RNF115: variants seen among roughly 807,000 people sequenced by gnomAD.
RNF115 encodes the protein E3 ubiquitin-protein ligase RNF115.
Under a neutral mutation model 39.2 loss-of-function variants are expected in RNF115, and 31 were observed. That is an observed-to-expected ratio of 0.79 (90% CI 0.59 to 1.07). The LOEUF (loss-of-function observed/expected upper bound fraction) is 1.07. Among genes scored for constraint, RNF115 ranks in the 50% least tolerant of loss-of-function variants. The pLI, the probability that RNF115 is intolerant of heterozygous loss-of-function variation, is 0.00. For missense variants in RNF115, 384 were observed against 381.7 expected (o/e 1.01, Z -0.05); for synonymous variants, 124 against 131.0 (o/e 0.95, Z 0.37).
intron 3 of RNF115, chr1:145,772,140 G>A (rs1322966986): frequency 4.3e-6 from 2 of 466,108 alleles, no homozygotes; most frequent in Non-Finnish European, 7.6e-6. Context: ...CAAACTGGTT[G>A]TAGCAATTTA....
At chr1:145,748,841 G>A (rs764294380) in intron 7 of RNF115, among the ~76,000 whole-genome samples, 100 of 149,670 alleles carry the variant, frequency 6.7e-4, no homozygotes, top group Admixed American at 1.5e-3. Flanking sequence ...CCAAGATTGC[G>A]CCACTGCACT....
At chr1:145,781,368 C>G (rs1312030751) in intron 3 of RNF115, among the ~76,000 whole-genome samples, 1 of 152,124 alleles carries the variant, frequency 6.6e-6, no homozygotes, top group Non-Finnish European at 1.5e-5. Context: ...AAAAGAAAAA[C>G]AACTTTAGTT....
chr1:145,770,891 CAACA>C (rs782322975), intron 4 of RNF115, among the ~76,000 whole-genome samples: 63 of 152,276 alleles, frequency 4.1e-4, no homozygotes, highest in Admixed American at 1.2e-3. Flanking sequence ...AAAAGACACT[CAACA>C]AACATTTATT....
intron 4 of RNF115, among the ~76,000 whole-genome samples, chr1:145,756,468 CA>C (rs1310453077): frequency 3.4e-5 from 5 of 149,008 alleles, no homozygotes; most frequent in Admixed American, 6.7e-5. Context: ...AAAAAAAAAA[CA>C]AAAAAAACAC....
chr1:145,783,106 G>A (rs1281810944), intron 3 of RNF115, among the ~76,000 whole-genome samples: 1 of 152,136 alleles, frequency 6.6e-6, no homozygotes, highest in Non-Finnish European at 1.5e-5. Context: ...CAGGTGATCT[G>A]CTCACCTCGG....
chr1:145,752,497 A>AT (rs1227181485), intron 5 of RNF115, among the ~76,000 whole-genome samples: 3 of 150,446 alleles, frequency 2.0e-5, no homozygotes, highest in African/African-American at 4.9e-5. Flanking sequence ...AATAATAATA[A>AT]AAAAAAAAGT....
At position 145,775,252 on chromosome 1, in the gene RNF115, T is replaced by C. The variant is rs587693472; in HGVS notation, c.220-3333A>G. ...TAATTATATGCTATGTTTTTTCCTATACACACATACCTACAGTAAAGTTTA... is the reference window on the plus strand; with the variant it reads ...TAATTATATGCTATGTTTTTTCCTACACACACATACCTACAGTAAAGTTTA... On this transcript the variant is annotated intron_variant, in intron 3 of 8. Transcript: ENST00000582693. 6.6e-5 allele frequency among the ~76,000 whole-genome samples: 10 copies of C among 152,286 alleles called. No homozygotes were observed. The East Asian group carries it at 1.7e-3, about 26-fold the overall frequency.
chr1:145,747,433 C>G (rs782470720), intron 8 of RNF115, among the ~76,000 whole-genome samples: 1 of 152,036 alleles, frequency 6.6e-6, no homozygotes, highest in Non-Finnish European at 1.5e-5. Flanking sequence ...AGGTGGATCA[C>G]CTGAGGTCAG....
intron 1 of RNF115, among the ~76,000 whole-genome samples, chr1:145,823,496 G>A (rs1315059976): frequency 4.0e-5 from 5 of 124,676 alleles, no homozygotes; most frequent in African/African-American, 9.2e-5. Context: ...TTATCAGAGG[G>A]AAACTTGCTA....
intron 4 of RNF115, among the ~76,000 whole-genome samples, chr1:145,764,540 G>T (rs1658674244): frequency 1.3e-5 from 2 of 151,400 alleles, no homozygotes; most frequent in African/African-American, 4.9e-5. Flanking sequence ...CCCCGTCTGA[G>T]AAGTGAGGAG....
At chr1:145,780,972 T>C (rs989675518) in intron 3 of RNF115, among the ~76,000 whole-genome samples, 5 of 152,130 alleles carry the variant, frequency 3.3e-5, no homozygotes, top group African/African-American at 1.2e-4. Flanking sequence ...GCTCACTTTC[T>C]AGATTACCAC....
chr1:145,795,732 A>C (rs587735700), intron 1 of RNF115, among the ~76,000 whole-genome samples: 41 of 152,306 alleles, frequency 2.7e-4, no homozygotes, highest in Non-Finnish European at 4.7e-4. Context: ...TCTTCCTGTC[A>C]TTTGGAAGTG....
In RNF115 at chr1:145,821,687, C is replaced by T. The variant is rs1458616103; in HGVS notation, c.102+2085G>A. On this transcript the variant is annotated intron_variant, in intron 1 of 8. Transcript: ENST00000582693. Reference sequence around the variant, plus strand: ...TTCTCCATGTTGCCCAGGCTAGTCTCGAACTCCTGAGCTCAAGCGATCTGC... The same window carrying T: ...TTCTCCATGTTGCCCAGGCTAGTCTTGAACTCCTGAGCTCAAGCGATCTGC... Among the ~76,000 whole-genome samples the T allele has an allele frequency of 4.3e-5, 4 of 93,310 alleles. No homozygotes were observed. In the East Asian group the frequency reaches 1.0e-3, roughly 24 times the overall value. 61.2% of individuals were successfully genotyped at this position (93,310 alleles called of 152,430 possible). A position where few individuals can be genotyped will look rare whatever the true frequency, so the allele number is the denominator to read the frequency against.
intron 2 of RNF115, among the ~76,000 whole-genome samples, chr1:145,788,177 T>C (rs1040781736): frequency 4.6e-5 from 7 of 151,858 alleles, no homozygotes; most frequent in Non-Finnish European, 1.0e-4. Flanking sequence ...CACCTCCCGG[T>C]TTCAAGTGAT....
At chr1:145,781,689 C>T (rs587681669) in intron 3 of RNF115, among the ~76,000 whole-genome samples, 2 of 152,250 alleles carry the variant, frequency 1.3e-5, no homozygotes, top group South Asian at 4.1e-4. Context: ...ACAAGAGAGG[C>T]ACTGAGAGAT....
At chr1:145,798,675 G>C (rs1553720434) in intron 1 of RNF115, among the ~76,000 whole-genome samples, 2 of 152,106 alleles carry the variant, frequency 1.3e-5, no homozygotes, top group African/African-American at 4.8e-5. Context: ...TTAATTTTGG[G>C]ATGAAACTTC....
chr1:145,749,211 T>TACTCTCC (rs1411465627), intron 7 of RNF115, among the ~76,000 whole-genome samples: 1 of 136,768 alleles, frequency 7.3e-6, no homozygotes, highest in Non-Finnish European at 1.7e-5. Flanking sequence ...ATTCACTCCT[T>TACTCTCC]ACTCTCCATT....
chr1:145,783,734 T>G (rs950422254), intron 3 of RNF115, among the ~76,000 whole-genome samples: 1 of 152,104 alleles, frequency 6.6e-6, no homozygotes, highest in African/African-American at 2.4e-5. Context: ...ATAGGCTGAC[T>G]GGTACCTTCT....
At chr1:145,750,850 G>C (rs1373910734) in intron 6 of RNF115, among the ~76,000 whole-genome samples, 2 of 152,070 alleles carry the variant, frequency 1.3e-5, no homozygotes, top group Non-Finnish European at 2.9e-5. Flanking sequence ...TCATCTTCTG[G>C]AAGAAGAAAA....
Sources: gnomAD v4.1 joint callset for allele counts (sites outside exome capture counted in the v4.1 genomes callset) on GRCh38, gnomAD v4.1.1 for gene constraint, MANE v1.5 for transcripts, NCBI Gene and HGNC (gene_info 2026-07-23, HGNC 2026-07-21) for gene names.